ARHGAP21: variants seen among roughly 807,000 people sequenced by gnomAD.
ARHGAP21 encodes Rho GTPase activating protein 21.
In ARHGAP21, 38 loss-of-function variants were observed where a neutral mutation model predicts 164.6. The ratio of observed to expected loss-of-function variants is 0.23; its 90% CI spans 0.18 to 0.30. The LOEUF (loss-of-function observed/expected upper bound fraction) is 0.30, where lower values mean the gene tolerates loss of function less well. ARHGAP21 is among the 10% of genes least tolerant of loss of function. The probability of loss-of-function intolerance (pLI) is 1.00; values close to 1 mark genes in which losing one functional copy is unlikely to be tolerated. For missense variants in ARHGAP21, 1,822 were observed against 2,370.7 expected (o/e 0.77, Z 4.81); for synonymous variants, 766 against 857.9 (o/e 0.89, Z 1.87).
chr10:24,613,253 T>C (rs563302125), intron 9 of ARHGAP21, among the ~76,000 whole-genome samples: 8 of 152,342 alleles, frequency 5.3e-5, no homozygotes, highest in African/African-American at 1.9e-4. Context: ...TATATTCACA[T>C]GGCCTTCTCA....
At chr10:24,651,841 T>C (rs746464317) in intron 4 of ARHGAP21, among the ~76,000 whole-genome samples, 4 of 152,164 alleles carry the variant, frequency 2.6e-5, no homozygotes, top group Admixed American at 6.5e-5. Context: ...ATAAACAATA[T>C]AAAACAAATC....
intron 2 of ARHGAP21, among the ~76,000 whole-genome samples, chr10:24,712,098 C>T (rs1844888075): frequency 6.6e-6 from 1 of 151,974 alleles, no homozygotes; most frequent in Non-Finnish European, 1.5e-5. Context: ...GTATTTTTAG[C>T]AGAGATAGGG....
intron 2 of ARHGAP21, among the ~76,000 whole-genome samples, chr10:24,684,926 AC>A (rs1283578757): frequency 2.0e-5 from 3 of 152,230 alleles, no homozygotes; most frequent in Admixed American, 2.0e-4. Flanking sequence ...GGCGTGAGCC[AC>A]CGCGCCCGGC....
At chr10:24,689,517 A>C (rs1398818919) in intron 2 of ARHGAP21, among the ~76,000 whole-genome samples, 1 of 152,142 alleles carries the variant, frequency 6.6e-6, no homozygotes, top group Non-Finnish European at 1.5e-5. Context: ...AGGTGGGCGG[A>C]TCGCCAGAGC....
intron 2 of ARHGAP21, among the ~76,000 whole-genome samples, chr10:24,679,066 T>A (rs1047182868): frequency 1.3e-5 from 2 of 152,256 alleles, no homozygotes; most frequent in Non-Finnish European, 2.9e-5. Context: ...AAATATGCTA[T>A]GAACATTCAC....
chr10:24,612,679 C>T (rs1270023084), intron 9 of ARHGAP21, among the ~76,000 whole-genome samples: 1 of 151,448 alleles, frequency 6.6e-6, no homozygotes, highest in East Asian at 1.9e-4. Context: ...ACGGTGAAAC[C>T]CCGTCTCTAC....
intron 2 of ARHGAP21, among the ~76,000 whole-genome samples, chr10:24,684,977 G>T (rs1006210291): frequency 6.6e-6 from 1 of 152,096 alleles, no homozygotes; most frequent in African/African-American, 2.4e-5. Context: ...TATTCGGACT[G>T]CTATAATCAT....
chr10:24,691,797 A>G (rs1378727426), intron 2 of ARHGAP21, among the ~76,000 whole-genome samples: 1 of 152,216 alleles, frequency 6.6e-6, no homozygotes, highest in Non-Finnish European at 1.5e-5. Context: ...GAAGCCCAAT[A>G]ATACCAGAGA....
intron 21 of ARHGAP21, among the ~76,000 whole-genome samples, chr10:24,594,562 T>C (rs949543394): frequency 1.3e-5 from 2 of 152,096 alleles, no homozygotes; most frequent in African/African-American, 4.8e-5. Flanking sequence ...ACAAAGAAAA[T>C]GTGGTGGTGT....
intron 2 of ARHGAP21, among the ~76,000 whole-genome samples, chr10:24,680,829 T>C (rs142091135): frequency 5.3e-5 from 8 of 152,150 alleles, no homozygotes; most frequent in African/African-American, 1.7e-4. Flanking sequence ...CTAAGAAATA[T>C]CCCTCTACAC....
chr10:24,612,129 C>T lies in ARHGAP21; in HGVS notation c.2423-4226G>A, dbSNP rs140419484. 2.6e-5 allele frequency among the ~76,000 whole-genome samples: 4 copies of T among 152,254 alleles called. No individual in the cohort carries two copies. The East Asian group carries it at 7.7e-4, about 29-fold the overall frequency. ...TATAGTTGACAATAATTTTATGTAACTCAGTGAAATTATCAGAATTTTCAG... is the reference window on the plus strand; with the variant it reads ...TATAGTTGACAATAATTTTATGTAATTCAGTGAAATTATCAGAATTTTCAG... On this transcript the variant is annotated intron_variant, in intron 9 of 25. Transcript: ENST00000396432.
chr10:24,675,088 G>T (rs747439465), intron 2 of ARHGAP21, among the ~76,000 whole-genome samples: 1 of 152,136 alleles, frequency 6.6e-6, no homozygotes, highest in Non-Finnish European at 1.5e-5. Context: ...TAGAGAAATT[G>T]AAAGCATACG....
At chr10:24,639,973 G>T (rs553417896) in intron 4 of ARHGAP21, among the ~76,000 whole-genome samples, 16 of 151,444 alleles carry the variant, frequency 1.1e-4, no homozygotes, top group South Asian at 2.1e-4. Context: ...AACAAAATTT[G>T]AACTATGACA....
Position 24,695,405 on chromosome 10 carries a change from C to T in ARHGAP21, c.64-25008G>A, listed in dbSNP as rs557569571. Among the ~76,000 whole-genome samples the T allele has an allele frequency of 3.3e-5, 5 of 151,932 alleles. No individual in the cohort carries two copies. In the South Asian group the frequency reaches 8.3e-4, roughly 25 times the overall value. ...CCAACGTGGCAAAACCCCGTCTCTA[C>T]TAAAAATACAAAAATTAGCTGGGCG... On this transcript the variant is annotated intron_variant, in intron 2 of 25. Coordinates refer to ENST00000396432, the MANE Select transcript of ARHGAP21 (RefSeq NM_020824.4).
intron 1 of ARHGAP21, chr10:24,723,185 G>T (rs1165678998): frequency 6.7e-6 from 1 of 150,346 alleles, no homozygotes; most frequent in Non-Finnish European, 1.5e-5. Context: ...CCCGGCGGCC[G>T]AAGCGCGGCG....
intron 21 of ARHGAP21, among the ~76,000 whole-genome samples, chr10:24,594,159 CAGTACTTTA>C (rs1466650941): frequency 6.6e-6 from 1 of 152,150 alleles, no homozygotes; most frequent in Non-Finnish European, 1.5e-5. Flanking sequence ...ACGACTGCTT[CAGTACTTTA>C]AGAAGTAATG....
intron 2 of ARHGAP21, among the ~76,000 whole-genome samples, chr10:24,690,593 C>T (rs1049124914): frequency 9.9e-5 from 15 of 152,032 alleles, no homozygotes; most frequent in African/African-American, 3.6e-4. Context: ...CTTTGGGAGG[C>T]CAAGACAGGC....
intron 7 of ARHGAP21, among the ~76,000 whole-genome samples, chr10:24,624,490 C>T (rs1413498294): frequency 1.3e-5 from 2 of 151,692 alleles, no homozygotes; most frequent in African/African-American, 4.8e-5. Context: ...CAGGCATGAG[C>T]CACCATGCTC....
rs142955558 is a variant in ARHGAP21, at chr10:24,673,934, CAG to C, written c.64-3539_64-3538del. Among the ~76,000 whole-genome samples the C allele has an allele frequency of 2.3e-3, 350 of 152,298 alleles. 1 individual carries two copies. The highest frequency in any genetic ancestry group is 7.6e-3 in the African/African-American group (315 of 41,566). ...AAACTATGAAACTTCTGGAAGAAAA[CAG>C]GGGAAAATCTTTATGAACTTAGGTC... On this transcript the variant is annotated intron_variant, in intron 2 of 25. Coordinates refer to ENST00000396432, the MANE Select transcript of ARHGAP21 (RefSeq NM_020824.4).
Sources: gnomAD v4.1 joint callset for allele counts (sites outside exome capture counted in the v4.1 genomes callset) on GRCh38, gnomAD v4.1.1 for gene constraint, MANE v1.5 for transcripts, NCBI Gene and HGNC (gene_info 2026-07-23, HGNC 2026-07-21) for gene names.